The following SLC7A10 variants were observed in gnomAD, a reference collection of about 807,000 sequenced individuals.
The protein encoded by SLC7A10 is solute carrier family 7 member 10.
Under a neutral mutation model 52.7 loss-of-function variants are expected in SLC7A10, and 30 were observed. The observed-to-expected ratio is 0.57, with a 90% confidence interval of 0.43 to 0.77. SLC7A10 has a LOEUF of 0.77. SLC7A10 is among the 30% of genes least tolerant of loss of function. The probability of loss-of-function intolerance (pLI) is 0.00; values close to 1 mark genes in which losing one functional copy is unlikely to be tolerated. For synonymous variants in SLC7A10, 318 were observed against 314.9 expected, an observed-to-expected ratio of 1.01 and a Z score of -0.10; for missense variants, 581 against 698.5, an observed-to-expected ratio of 0.83 and a Z score of 1.90.
chr19:33,209,135 G>A (rs993319203), intron 10 of SLC7A10, 114 bp from the exon 11 acceptor site: 9 of 1,557,142 alleles, frequency 5.8e-6, no homozygotes, highest in Admixed American at 1.9e-5. Context: ...GTCGGTACCC[G>A]TGGTTCTGGA....
intron 3 of SLC7A10, 91 bp downstream of exon 3, chr19:33,212,760 G>A: frequency 6.2e-7 from 1 of 1,605,714 alleles, no homozygotes; most frequent in South Asian, 1.1e-5. Context: ...TTTCTGAAGG[G>A]AAATTTCACC....
At chr19:33,213,128 C>T (rs1167052826) in intron 2 of SLC7A10, 126 bp from the exon 3 acceptor site, 2 of 1,271,580 alleles carry the variant, frequency 1.6e-6, no homozygotes, top group African/African-American at 1.5e-5. Flanking sequence ...TGCCAGAGGC[C>T]AGCACCGGTC....
chr19:33,216,754 T>G (rs768507020), intron 1 of SLC7A10, among the ~76,000 whole-genome samples: 3 of 152,120 alleles, frequency 2.0e-5, no homozygotes, highest in Non-Finnish European at 2.9e-5. Flanking sequence ...TTTTTTGTAC[T>G]TTTTTAGTAG....
Position 33,208,960 on chromosome 19 carries a change from T to C in SLC7A10, c.1503A>G (p.Glu501=), listed in dbSNP as rs375342884. ...GTGGGCAGGGGCCATTCTCCTCCTCTTCGGGGGCGTCCTGGGGGTAGACCA... is the reference window on the plus strand; with the variant it reads ...GTGGGCAGGGGCCATTCTCCTCCTCCTCGGGGGCGTCCTGGGGGTAGACCA... ...CFVVYPQDAP[E]EEENGPCPPS... The change falls in exon 11 of 11, where the codon GAA becomes GAG. Residue 501 remains glutamate (E), a synonymous_variant. Coordinates refer to ENST00000253188, the MANE Select transcript of SLC7A10 (RefSeq NM_019849.3). The surrounding 1 kb of genome is among the most constrained non-coding windows in gnomAD (Gnocchi z 4.7). 2.6e-5 allele frequency: 42 copies of C among 1,613,718 alleles called. No individual in the cohort carries two copies. The highest frequency in any genetic ancestry group is 3.3e-5 in the Non-Finnish European group (39 of 1,180,040).
chr19:33,212,672 C>G (rs1974581795), intron 3 of SLC7A10, 33 bp from the exon 4 acceptor site: 1 of 1,613,072 alleles, frequency 6.2e-7, no homozygotes, highest in South Asian at 1.1e-5. Context: ...GGCGCCGAGG[C>G]CGGGACCTTT....
intron 1 of SLC7A10, among the ~76,000 whole-genome samples, chr19:33,219,696 A>G (rs1974773159): frequency 6.6e-6 from 1 of 152,220 alleles, no homozygotes; most frequent in African/African-American, 2.4e-5. Context: ...TGGGCCAAGG[A>G]AACAGTCTGC....
At chr19:33,219,069 G>A (rs1027081388) in intron 1 of SLC7A10, among the ~76,000 whole-genome samples, 5 of 151,990 alleles carry the variant, frequency 3.3e-5, no homozygotes, top group African/African-American at 1.2e-4. Context: ...ACCCATGGCT[G>A]ACCAGAGAGA....
rs1192690293 is a variant in SLC7A10, at chr19:33,223,954, A to ACCG, written c.151+1598_151+1599insCGG. 1.2e-3 allele frequency among the ~76,000 whole-genome samples: 184 copies of ACCG among 148,934 alleles called. 4 individuals carry two copies. Among genetic ancestry groups the ACCG allele is most frequent in the Middle Eastern group, 6.9e-3 (2 of 290 alleles). Reference sequence around the variant, plus strand: ...CACCACCTCTACCATCACCACCACCACCACCACCACCACCACCACCACCAC... The same window carrying ACCG: ...CACCACCTCTACCATCACCACCACCACCGCCACCACCACCACCACCACCACCAC... On this transcript the variant is annotated intron_variant, in intron 1 of 10. Transcript: ENST00000253188.
At position 33,208,756 on chromosome 19, in the gene SLC7A10, C is replaced by CT; in HGVS notation, c.*134dup. ...AACCCAGTCCACATTTTAGGGCTTC[C>CT]TTAAACAGGCTTCTGAGAGTCGTAT... On this transcript the variant is annotated 3_prime_UTR_variant, in exon 11 of 11. Coordinates refer to ENST00000253188, the MANE Select transcript of SLC7A10 (RefSeq NM_019849.3). This position sits in a 1 kb window ranked among gnomAD's most constrained non-coding sequence, Gnocchi z 4.7. 2 of 1,034,432 alleles carry CT rather than the reference C, an allele frequency of 1.9e-6. No individual in the cohort carries two copies. Among genetic ancestry groups the CT allele is most frequent in the Non-Finnish European group, 2.7e-6 (2 of 728,068 alleles). 64.1% of individuals were successfully genotyped at this position (1,034,432 alleles called of 1,614,324 possible). A position where few individuals can be genotyped will look rare whatever the true frequency, so the allele number is the denominator to read the frequency against.
chr19:33,215,647 T>A, intron 2 of SLC7A10, 122 bp downstream of exon 2: 2 of 640,374 alleles, frequency 3.1e-6, no homozygotes, highest in Non-Finnish European at 4.2e-6. Flanking sequence ...ACACCTTCTC[T>A]CCATCCACCC....
At chr19:33,218,661 A>ATTTCTTTTTCTTTCTTTCTTTC (rs1974741331) in intron 1 of SLC7A10, among the ~76,000 whole-genome samples, 1 of 51,162 alleles carries the variant, frequency 2.0e-5, no homozygotes, top group African/African-American at 5.2e-5. Flanking sequence ...GGACCGGTGG[A>ATTTCTTTTTCTTTCTTTCTTTC]TTTCTTTCTT....
At chr19:33,209,512 A>G (rs1473359429) in intron 9 of SLC7A10, 27 bp from the exon 10 acceptor site, 1 of 1,612,328 alleles carries the variant, frequency 6.2e-7, no homozygotes, top group African/African-American at 1.3e-5. Context: ...AGAAACACCG[A>G]TGGTGCAGGG....
intron 1 of SLC7A10, among the ~76,000 whole-genome samples, chr19:33,218,973 T>C (rs1974756773): frequency 6.6e-6 from 1 of 151,644 alleles, no homozygotes; most frequent in Non-Finnish European, 1.5e-5. Context: ...GGAACCTGGT[T>C]TAGAGGGGCA....
chr19:33,223,116 T>G (rs562361281), intron 1 of SLC7A10, among the ~76,000 whole-genome samples: 22 of 152,170 alleles, frequency 1.4e-4, no homozygotes, highest in Admixed American at 1.4e-3. Context: ...GAGACCAGCC[T>G]GGCCAACATG....
intron 2 of SLC7A10, among the ~76,000 whole-genome samples, chr19:33,214,961 G>A (rs1220430920): frequency 6.6e-6 from 1 of 152,160 alleles, no homozygotes; most frequent in Non-Finnish European, 1.5e-5. Context: ...AAGGATAGCA[G>A]GGTGCTAAGG....
chr19:33,211,035 G>C, intron 7 of SLC7A10, 137 bp from the exon 8 acceptor site: 1 of 986,378 alleles, frequency 1.0e-6, no homozygotes, highest in Non-Finnish European at 1.6e-6. Context: ...CCCTCATCCA[G>C]CCTGCCTGCC....
chr19:33,213,074 G>A (rs1974593407), intron 2 of SLC7A10, 72 bp from the exon 3 acceptor site: 3 of 1,542,730 alleles, frequency 1.9e-6, no homozygotes, highest in South Asian at 2.4e-5. Context: ...CCTGATGTGT[G>A]CAGCAGGGCT....
intron 1 of SLC7A10, among the ~76,000 whole-genome samples, 168 bp downstream of exon 1, chr19:33,225,385 G>T (rs1279264298): frequency 1.3e-5 from 2 of 152,198 alleles, no homozygotes; most frequent in Admixed American, 6.5e-5. Flanking sequence ...TGGCACCCTG[G>T]GCCAGCAGCC....
chr19:33,208,875 A>G lies in SLC7A10; in HGVS notation c.*16T>C, dbSNP rs1214378691. 11 of 1,501,406 alleles carry G rather than the reference A, an allele frequency of 7.3e-6. No individual in the cohort carries two copies. Among genetic ancestry groups the G allele is most frequent in the Non-Finnish European group, 9.9e-6 (11 of 1,108,082 alleles). The allele number at this position is 1,501,406 out of a possible 1,614,324, so 93.0% of individuals were successfully genotyped here. On this transcript the variant is annotated 3_prime_UTR_variant, in exon 11 of 11. Transcript: ENST00000253188. The surrounding 1 kb of genome is among the most constrained non-coding windows in gnomAD (Gnocchi z 4.7). ...ACATGTAAACAGAAACAACTGCTTCAGTCTCTACAAAAATCTCATTGTGGC... is the reference window on the plus strand; with the variant it reads ...ACATGTAAACAGAAACAACTGCTTCGGTCTCTACAAAAATCTCATTGTGGC...
Sources: allele counts gnomAD v4.1 joint callset (sites outside exome capture counted in the v4.1 genomes callset), GRCh38; gene constraint gnomAD v4.1.1; non-coding constraint Gnocchi (gnomAD v3.1); transcripts MANE v1.5; gene names NCBI Gene and HGNC (gene_info 2026-07-23, HGNC 2026-07-21).